OCA2: variants seen among roughly 807,000 people sequenced by gnomAD.
The protein encoded by OCA2 is OCA2 melanosomal transmembrane protein.
In OCA2, 77 loss-of-function variants were observed where a neutral mutation model predicts 100.2. The ratio of observed to expected loss-of-function variants is 0.77; its 90% CI spans 0.64 to 0.93. The LOEUF (loss-of-function observed/expected upper bound fraction) is 0.93. Among genes scored for constraint, OCA2 ranks in the 40% least tolerant of loss-of-function variants. OCA2 has a pLI of 0.00. For synonymous variants in OCA2, 432 were observed against 439.2 expected, an observed-to-expected ratio of 0.98 and a Z score of 0.21; for missense variants, 1,062 against 1,089.1, an observed-to-expected ratio of 0.98 and a Z score of 0.35.
At chr15:27,970,456 G>A (rs1481994958) in intron 14 of OCA2, among the ~76,000 whole-genome samples, 1 of 152,184 alleles carries the variant, frequency 6.6e-6, no homozygotes, top group Admixed American at 6.5e-5. Flanking sequence ...TGGCAGGAAC[G>A]CAGGAAAAAC....
chr15:27,730,345 C>T, the OCA2 span, among the ~76,000 whole-genome samples: 10 of 152,124 alleles, frequency 6.6e-5, no homozygotes, highest in Non-Finnish European at 1.3e-4. Flanking sequence ...GGAAGAGATG[C>T]ATAGTTCAAG....
intron 18 of OCA2, among the ~76,000 whole-genome samples, chr15:27,943,361 A>G (rs2039717286): frequency 6.7e-6 from 1 of 149,150 alleles, no homozygotes; most frequent in Non-Finnish European, 1.5e-5. Context: ...CTAGTATAAC[A>G]TCACATGACA....
At chr15:27,815,496 C>T (rs1265943619) in intron 23 of OCA2, among the ~76,000 whole-genome samples, 3 of 152,178 alleles carry the variant, frequency 2.0e-5, no homozygotes, top group Non-Finnish European at 2.9e-5. Flanking sequence ...TGTATTCATA[C>T]CTCCTGGGGC....
At chr15:27,806,551 A>G (rs1344018703) in intron 23 of OCA2, among the ~76,000 whole-genome samples, 2 of 152,048 alleles carry the variant, frequency 1.3e-5, no homozygotes, top group Non-Finnish European at 2.9e-5. Context: ...GGGCGACAGG[A>G]GGAGGGCCCT....
chr15:27,966,808 G>A lies in OCA2; in HGVS notation c.1518C>T (p.Ala506=), dbSNP rs1306441561. ...QELRKMGLDF[A]GFTAHMFIGI... is the part of the protein sequence containing the mutation. ...CAATGAACATGTGTGCAGTGAATCC[G>A]GCAAAGTCCAGGCCCTGGAAATAAA... Residue 506 remains alanine (A), a synonymous_variant, in exon 15 of 24, where the codon GCC becomes GCT. Transcript: ENST00000354638. 24 of 1,611,848 alleles carry A rather than the reference G, an allele frequency of 1.5e-5. No individual in the cohort carries two copies. The highest frequency in any genetic ancestry group is 2.0e-5 in the Non-Finnish European group (24 of 1,179,502).
chr15:27,820,447 C>G (rs1343796015), intron 23 of OCA2, among the ~76,000 whole-genome samples: 3 of 152,208 alleles, frequency 2.0e-5, no homozygotes, highest in African/African-American at 7.2e-5. Context: ...GATCCACAAC[C>G]CTGGTCAAAT....
intron 23 of OCA2, among the ~76,000 whole-genome samples, chr15:27,803,510 G>A (rs1782160367): frequency 1.3e-5 from 2 of 152,120 alleles, no homozygotes; most frequent in South Asian, 2.1e-4. Flanking sequence ...ATATGATTCC[G>A]CTAATATGAG....
At chr15:27,743,288 C>A in the OCA2 span, among the ~76,000 whole-genome samples, 1 of 152,184 alleles carries the variant, frequency 6.6e-6, no homozygotes, top group African/African-American at 2.4e-5. Flanking sequence ...GGCTGCACTG[C>A]CAATGGATGC....
intron 9 of OCA2, among the ~76,000 whole-genome samples, chr15:28,002,536 A>C (rs765176074): frequency 1.3e-5 from 2 of 152,132 alleles, no homozygotes; most frequent in Non-Finnish European, 2.9e-5. Flanking sequence ...AGCCCTTAAC[A>C]GGATGAAAGC....
chr15:28,041,900 A>C (rs1206432420), intron 2 of OCA2, among the ~76,000 whole-genome samples: 1 of 152,294 alleles, frequency 6.6e-6, no homozygotes, highest in South Asian at 2.1e-4. Flanking sequence ...TTGGTTTTAG[A>C]TAGAAAGAGT....
intron 2 of OCA2, among the ~76,000 whole-genome samples, chr15:28,040,205 T>C (rs899680799): frequency 2.0e-4 from 31 of 152,174 alleles, no homozygotes; most frequent in African/African-American, 7.5e-4. Context: ...ACCTTGGACT[T>C]CTAGCCTCAA....
chr15:28,062,045 ACACAGG>A (rs2043888501), intron 2 of OCA2, among the ~76,000 whole-genome samples: 1 of 152,236 alleles, frequency 6.6e-6, no homozygotes, highest in South Asian at 2.1e-4. Context: ...CACAAGTTTT[ACACAGG>A]CATGTCTTTT....
intron 19 of OCA2, among the ~76,000 whole-genome samples, chr15:27,890,382 A>G (rs1440754467): frequency 2.6e-5 from 4 of 152,238 alleles, no homozygotes; most frequent in Non-Finnish European, 4.4e-5. Flanking sequence ...GGATAACACG[A>G]TGAACCCAAA....
chr15:28,092,209 CT>C (rs1245607493), intron 1 of OCA2, among the ~76,000 whole-genome samples: 4 of 152,034 alleles, frequency 2.6e-5, no homozygotes, highest in Non-Finnish European at 5.9e-5. Context: ...TTAGTTGCTG[CT>C]TATGGCTAGG....
rs1166237253 is a variant in OCA2 at position 28,043,517 on chromosome 15, A to T, written c.228-11354T>A. Among the ~76,000 whole-genome samples the T allele has an allele frequency of 6.6e-6, 1 of 152,220 alleles. No homozygotes were observed. Among genetic ancestry groups the T allele is most frequent in the Non-Finnish European group, 1.5e-5 (1 of 68,032 alleles). On this transcript the variant is annotated intron_variant, in intron 2 of 23. Coordinates refer to ENST00000354638, the MANE Select transcript of OCA2 (RefSeq NM_000275.3). This position sits in a 1 kb window ranked among gnomAD's most constrained non-coding sequence, Gnocchi z 4.4. ...GAACATTCGATCCTTGGGCTTAAGT[A>T]ATTCCTCAGACATAAGGATGCAATC...
intron 21 of OCA2, among the ~76,000 whole-genome samples, chr15:27,869,179 A>G (rs11854625): frequency 0.016 from 2,383 of 152,188 alleles, 56 homozygotes; most frequent in African/African-American, 0.05. Flanking sequence ...CTGTGTGTCC[A>G]CCTCTGCACC....
chr15:27,730,732 AAT>A, the OCA2 span, among the ~76,000 whole-genome samples: 1,928 of 101,196 alleles, frequency 0.019, 12 homozygotes, highest in Non-Finnish European at 0.028. Flanking sequence ...AAAAAGACCA[AAT>A]ATATATATAT....
chr15:28,049,308 TAAA>T (rs1193888455), intron 2 of OCA2, among the ~76,000 whole-genome samples: 1 of 152,008 alleles, frequency 6.6e-6, no homozygotes, highest in Non-Finnish European at 1.5e-5. Context: ...ATGGCTAGAA[TAAA>T]AAAAGGAATA....
intron 4 of OCA2, among the ~76,000 whole-genome samples, chr15:28,026,912 G>T (rs2042765266): frequency 1.3e-5 from 2 of 152,218 alleles, no homozygotes; most frequent in East Asian, 3.9e-4. Context: ...TTATCTTAGT[G>T]TAGGCCCGTG....
Sources: gnomAD v4.1 joint callset for allele counts (sites outside exome capture counted in the v4.1 genomes callset) on GRCh38, gnomAD v4.1.1 for gene constraint, Gnocchi (gnomAD v3.1) non-coding constraint, MANE v1.5 for transcripts, NCBI Gene and HGNC (gene_info 2026-07-23, HGNC 2026-07-21) for gene names.